Variants in KCNJ16 observed in about 807,000 individuals in gnomAD.
KCNJ16 encodes potassium inwardly rectifying channel subfamily J member 16, also known as inward rectifier potassium channel 16.
A neutral mutation model predicts 18.5 loss-of-function variants in KCNJ16; 15 were observed. The ratio of observed to expected loss-of-function variants is 0.81; its 90% CI spans 0.54 to 1.25. The LOEUF (loss-of-function observed/expected upper bound fraction) is 1.25. Ranked by LOEUF, KCNJ16 falls within the 50% of genes most tolerant of loss-of-function variation. The pLI is 0.00. For synonymous variants in KCNJ16, 174 were observed against 186.5 expected, an observed-to-expected ratio of 0.93 and a Z score of 0.55; for missense variants, 523 against 525.7, an observed-to-expected ratio of 0.99 and a Z score of 0.05.
Position 70,133,397 on chromosome 17 carries a change from A to G in KCNJ16, c.*53A>G. The G allele has an allele frequency of 6.7e-7, 1 of 1,500,930 alleles. No homozygotes were observed. Among genetic ancestry groups the G allele is most frequent in the South Asian group, 1.3e-5 (1 of 79,762 alleles). 93.0% of individuals were successfully genotyped at this position (1,500,930 alleles called of 1,614,324 possible). On this transcript the variant is annotated 3_prime_UTR_variant, in exon 4 of 4. Coordinates refer to ENST00000392671, the MANE Select transcript of KCNJ16 (RefSeq NM_170741.4). ...ACTGAATCATTTTATCTTTCAGCCA[A>G]TCAAGTCGTTGTAAACGTGGCTTTT...
intron 1 of KCNJ16, among the ~76,000 whole-genome samples, chr17:70,093,414 C>CTG (rs374393532): frequency 6.6e-5 from 10 of 151,934 alleles, no homozygotes; most frequent in Non-Finnish European, 1.0e-4. Flanking sequence ...CTGAATTCTT[C>CTG]TGTGTGTGTG....
At chr17:70,103,286 A>ATGTGTGATATGTGTG (rs367701950) in intron 2 of KCNJ16, among the ~76,000 whole-genome samples, 190 of 103,800 alleles carry the variant, frequency 1.8e-3, no homozygotes, top group African/African-American at 2.8e-3. Context: ...ATATGCATAT[A>ATGTGTGATATGTGTG]TGTGTGTGTG....
At chr17:70,090,900 T>C (rs1598100651) in intron 1 of KCNJ16, among the ~76,000 whole-genome samples, 1 of 152,258 alleles carries the variant, frequency 6.6e-6, no homozygotes, top group African/African-American at 2.4e-5. Context: ...AGGACATTTG[T>C]GGCTATGAAA....
intron 1 of KCNJ16, among the ~76,000 whole-genome samples, chr17:70,086,688 C>T (rs975225608): frequency 1.3e-5 from 2 of 151,978 alleles, no homozygotes; most frequent in African/African-American, 4.8e-5. Flanking sequence ...TTCTGAAGGT[C>T]CTTATAAACT....
At chr17:70,118,570 A>G (rs2073505913) in intron 2 of KCNJ16, among the ~76,000 whole-genome samples, 1 of 152,042 alleles carries the variant, frequency 6.6e-6, no homozygotes, top group Non-Finnish European at 1.5e-5. Flanking sequence ...GTGAAGGGGG[A>G]GCAGGCACAT....
intron 2 of KCNJ16, among the ~76,000 whole-genome samples, chr17:70,106,919 C>A (rs570405651): frequency 6.6e-6 from 1 of 152,088 alleles, no homozygotes; most frequent in Non-Finnish European, 1.5e-5. Context: ...TAAGAGGTGG[C>A]CTCTTAATAG....
chr17:70,108,589 G>C (rs184891103), intron 2 of KCNJ16, among the ~76,000 whole-genome samples: 1 of 152,250 alleles, frequency 6.6e-6, no homozygotes, highest in East Asian at 1.9e-4. Flanking sequence ...GGAGGGTCCT[G>C]TTCCACTCCT....
At chr17:70,094,392 A>G (rs1300655258) in intron 1 of KCNJ16, among the ~76,000 whole-genome samples, 1 of 152,204 alleles carries the variant, frequency 6.6e-6, no homozygotes, top group Non-Finnish European at 1.5e-5. Context: ...GGGAATATCA[A>G]TTGTATCTTT....
At chr17:70,109,818 C>A (rs2073103966) in intron 2 of KCNJ16, among the ~76,000 whole-genome samples, 1 of 152,140 alleles carries the variant, frequency 6.6e-6, no homozygotes, top group Non-Finnish European at 1.5e-5. Flanking sequence ...TTACTATCTT[C>A]TCCCTAAATA....
In KCNJ16 at chr17:70,131,445, C is replaced by T. The variant is rs532778221; in HGVS notation, c.-94+470C>T. The T allele has an allele frequency of 1.9e-3, 1,931 of 998,984 alleles. 4 individuals carry two copies. Among genetic ancestry groups the T allele is most frequent in the Middle Eastern group, 7.7e-3 (15 of 1,946 alleles). The allele number at this position is 998,984 out of a possible 1,614,324, so 61.9% of individuals were successfully genotyped here. On this transcript the variant is annotated intron_variant, in intron 3 of 3. Coordinates refer to ENST00000392671, the MANE Select transcript of KCNJ16 (RefSeq NM_170741.4). ...TGGGAAGTATACAAGGAAGAAAAGCCTCCGTGGAAGAGAGAGCAAGCACCA... is the reference window on the plus strand; with the variant it reads ...TGGGAAGTATACAAGGAAGAAAAGCTTCCGTGGAAGAGAGAGCAAGCACCA...
At chr17:70,106,965 A>G (rs1252097709) in intron 2 of KCNJ16, among the ~76,000 whole-genome samples, 5 of 152,184 alleles carry the variant, frequency 3.3e-5, no homozygotes, top group Non-Finnish European at 7.3e-5. Flanking sequence ...TATCTGCTTT[A>G]AAGTGGCTTT....
chr17:70,101,242 T>C (rs1365485370), intron 2 of KCNJ16: 1 of 152,118 alleles, frequency 6.6e-6, no homozygotes, highest in Non-Finnish European at 1.5e-5. Context: ...TTAAACTAAA[T>C]GCCATAACCA....
At chr17:70,126,890 GGA>G (rs1242193036) in intron 2 of KCNJ16, among the ~76,000 whole-genome samples, 1 of 152,100 alleles carries the variant, frequency 6.6e-6, no homozygotes, top group Non-Finnish European at 1.5e-5. Flanking sequence ...CAGCATTTGG[GGA>G]GAGGTAGGAT....
At chr17:70,098,420 A>G (rs185846123) in intron 1 of KCNJ16, among the ~76,000 whole-genome samples, 21 of 152,288 alleles carry the variant, frequency 1.4e-4, no homozygotes, top group Non-Finnish European at 2.4e-4. Context: ...TTAATTTATC[A>G]TAAGGACTTA....
chr17:70,127,115 A>C (rs1370092394), intron 2 of KCNJ16, among the ~76,000 whole-genome samples: 2 of 152,192 alleles, frequency 1.3e-5, no homozygotes, highest in African/African-American at 4.8e-5. Flanking sequence ...AAGTTATATC[A>C]GGAGAGGGGT....
At chr17:70,094,091 A>G (rs1482563944) in intron 1 of KCNJ16, among the ~76,000 whole-genome samples, 1 of 152,238 alleles carries the variant, frequency 6.6e-6, no homozygotes, top group Non-Finnish European at 1.5e-5. Flanking sequence ...GCAATGGCTC[A>G]TGACTCAGGT....
At chr17:70,124,837 C>G (rs1405669656) in intron 2 of KCNJ16, among the ~76,000 whole-genome samples, 1 of 152,030 alleles carries the variant, frequency 6.6e-6, no homozygotes, top group Non-Finnish European at 1.5e-5. Context: ...TAAAGTAATA[C>G]ATAGCAAAGG....
chr17:70,092,566 TATA>T lies in KCNJ16; in HGVS notation c.-299-8091_-299-8089del, dbSNP rs2072162676. Reference sequence around the variant, plus strand: ...TAGATAGATATAGATAGATGATAGATATAGATAGATAGATAGATAGATAGATAG... The same window carrying T: ...TAGATAGATATAGATAGATGATAGATGATAGATAGATAGATAGATAGATAG... On this transcript the variant is annotated intron_variant, in intron 1 of 3. Coordinates refer to ENST00000392671, the MANE Select transcript of KCNJ16 (RefSeq NM_170741.4). Among the ~76,000 whole-genome samples, 97 of 102,694 alleles carry T rather than the reference TATA, an allele frequency of 9.4e-4. 1 individual carries two copies. The highest frequency in any genetic ancestry group is 3.4e-3 in the African/African-American group (93 of 27,684). The allele number at this position is 102,694 out of a possible 152,430, so 67.4% of individuals were successfully genotyped here. A position where few individuals can be genotyped will look rare whatever the true frequency, so the allele number is the denominator to read the frequency against.
rs150169028 is a variant in KCNJ16 at position 70,091,141 on chromosome 17, C to A, written c.-299-9517C>A. Among the ~76,000 whole-genome samples the A allele has an allele frequency of 2.0e-5, 3 of 152,266 alleles. No individual in the cohort carries two copies. The East Asian group carries it at 5.8e-4, about 29-fold the overall frequency. On this transcript the variant is annotated intron_variant, in intron 1 of 3. Coordinates refer to ENST00000392671, the MANE Select transcript of KCNJ16 (RefSeq NM_170741.4). ...ATAGCCCAATCTACCCTTTACACAA[C>A]ACCTTTTCAGAAGAATTACACCAAT...
Sources: allele counts gnomAD v4.1 joint callset (sites outside exome capture counted in the v4.1 genomes callset), GRCh38; gene constraint gnomAD v4.1.1; transcripts MANE v1.5; gene names NCBI Gene and HGNC (gene_info 2026-07-23, HGNC 2026-07-21).